The following PCDH15 variants were observed in gnomAD, a reference collection of about 807,000 sequenced individuals.
PCDH15 encodes the protein protocadherin-15.
In PCDH15, 129 loss-of-function variants were observed where a neutral mutation model predicts 178.5. The ratio of observed to expected loss-of-function variants is 0.72; its 90% CI spans 0.63 to 0.84. The LOEUF (loss-of-function observed/expected upper bound fraction) is 0.84. Ranked by LOEUF, PCDH15 falls within the 40% of genes least tolerant of loss-of-function variation. The pLI is 0.00. For synonymous variants in PCDH15, 800 were observed against 732.0 expected, an observed-to-expected ratio of 1.09 and a Z score of -1.50; for missense variants, 2,230 against 2,099.9, an observed-to-expected ratio of 1.06 and a Z score of -1.21.
At chr10:54,954,493 A>T (rs1291761725) in intron 2 of PCDH15, among the ~76,000 whole-genome samples, 1 of 151,298 alleles carries the variant, frequency 6.6e-6, no homozygotes, top group East Asian at 1.9e-4. Context: ...TATGAAATTT[A>T]GCAATTTTGC....
At chr10:54,231,038 A>G (rs1259031859) in intron 9 of PCDH15, among the ~76,000 whole-genome samples, 1 of 152,194 alleles carries the variant, frequency 6.6e-6, no homozygotes, top group Non-Finnish European at 1.5e-5. Flanking sequence ...CAGACTTGAT[A>G]ACACAATTAG....
chr10:54,840,370 C>G (rs1450531747), intron 3 of PCDH15, among the ~76,000 whole-genome samples: 1 of 151,696 alleles, frequency 6.6e-6, no homozygotes, highest in Non-Finnish European at 1.5e-5. Flanking sequence ...TTGCTATCAG[C>G]TTAGAATACA....
At chr10:55,602,299 C>G (rs1043693140) in intron 2 of PCDH15, among the ~76,000 whole-genome samples, 2 of 152,030 alleles carry the variant, frequency 1.3e-5, no homozygotes, top group Non-Finnish European at 2.9e-5. Flanking sequence ...AAGGCGGCAG[C>G]GAGGCTGGGG....
At chr10:55,036,066 T>A (rs1465986991) in intron 2 of PCDH15, among the ~76,000 whole-genome samples, 1 of 151,882 alleles carries the variant, frequency 6.6e-6, no homozygotes, top group East Asian at 1.9e-4. Flanking sequence ...TAATGGGAGG[T>A]CTTTAGGTCA....
intron 3 of PCDH15, among the ~76,000 whole-genome samples, chr10:54,862,226 T>C (rs1254547016): frequency 6.6e-6 from 1 of 152,188 alleles, no homozygotes; most frequent in Admixed American, 6.6e-5. Flanking sequence ...TGCAATCTCT[T>C]TACCATAAAT....
At chr10:54,012,791 A>G (rs1565008601) in intron 20 of PCDH15, among the ~76,000 whole-genome samples, 1 of 152,152 alleles carries the variant, frequency 6.6e-6, no homozygotes, top group Non-Finnish European at 1.5e-5. Context: ...AGCTCCTGAA[A>G]GGAGTGCTAC....
chr10:55,145,788 C>T (rs1169219020), intron 2 of PCDH15, among the ~76,000 whole-genome samples: 1 of 151,934 alleles, frequency 6.6e-6, no homozygotes, highest in Non-Finnish European at 1.5e-5. Flanking sequence ...TACTGAATAA[C>T]ATTTATCACT....
At chr10:54,519,985 G>T (rs2082672671) in intron 3 of PCDH15, among the ~76,000 whole-genome samples, 1 of 152,144 alleles carries the variant, frequency 6.6e-6, no homozygotes, top group Non-Finnish European at 1.5e-5. Context: ...TTTAATAAAT[G>T]GTGCTGGTAC....
chr10:55,230,663 G>A (rs1032613011), intron 1 of PCDH15, among the ~76,000 whole-genome samples: 1 of 152,004 alleles, frequency 6.6e-6, no homozygotes, highest in African/African-American at 2.4e-5. Flanking sequence ...CTTCTGTCTA[G>A]GAGAATGGAA....
intron 26 of PCDH15, among the ~76,000 whole-genome samples, chr10:53,889,146 A>AT (rs2081382974): frequency 6.6e-6 from 1 of 152,062 alleles, no homozygotes. Context: ...TAAAAAAGTC[A>AT]TGTTTTTGTG....
intron 2 of PCDH15, among the ~76,000 whole-genome samples, chr10:55,040,629 C>T (rs1034477096): frequency 6.6e-6 from 1 of 152,118 alleles, no homozygotes; most frequent in South Asian, 2.1e-4. Flanking sequence ...TATTCGAAAA[C>T]TGTGATTTAA....
At chr10:54,019,325 G>T (rs2092838725) in intron 20 of PCDH15, among the ~76,000 whole-genome samples, 1 of 152,022 alleles carries the variant, frequency 6.6e-6, no homozygotes, top group Admixed American at 6.6e-5. Flanking sequence ...GTAACTTGAG[G>T]ATTTTTGTAT....
At chr10:54,379,853 GC>G (rs1283875334) in intron 3 of PCDH15, among the ~76,000 whole-genome samples, 2 of 151,802 alleles carry the variant, frequency 1.3e-5, no homozygotes, top group Non-Finnish European at 2.9e-5. Context: ...GTAAAATGTA[GC>G]CTCCAAAAAA....
chr10:54,670,032 C>T (rs561288509), intron 1 of PCDH15, among the ~76,000 whole-genome samples: 8 of 152,040 alleles, frequency 5.3e-5, no homozygotes, highest in South Asian at 2.1e-4. Context: ...TCAGCCTGAG[C>T]GACAGAGCAA....
intron 13 of PCDH15, among the ~76,000 whole-genome samples, chr10:54,162,870 T>C (rs911063420): frequency 5.9e-5 from 9 of 152,202 alleles, no homozygotes; most frequent in African/African-American, 9.6e-5. Flanking sequence ...TAGATATGTA[T>C]AAAAATGACA....
At chr10:55,488,586 TTAAG>T (rs1207860499) in intron 2 of PCDH15, among the ~76,000 whole-genome samples, 13 of 151,690 alleles carry the variant, frequency 8.6e-5, no homozygotes, top group Admixed American at 2.6e-4. Flanking sequence ...TTATTATTAA[TTAAG>T]TATTAAATTA....
At chr10:54,758,112 A>T (rs1226351746) in intron 1 of PCDH15, among the ~76,000 whole-genome samples, 1 of 152,208 alleles carries the variant, frequency 6.6e-6, no homozygotes. Context: ...AAATATTTTA[A>T]CATGCAAATT....
chr10:54,793,907 A>T (rs1435267589), intron 1 of PCDH15, among the ~76,000 whole-genome samples: 1 of 148,834 alleles, frequency 6.7e-6, no homozygotes, highest in East Asian at 2.0e-4. Flanking sequence ...AATAAGAAAC[A>T]TCACAAAAAA....
chr10:55,012,966 A>G (rs1302260141), intron 2 of PCDH15, among the ~76,000 whole-genome samples: 1 of 152,150 alleles, frequency 6.6e-6, no homozygotes, highest in Admixed American at 6.6e-5. Context: ...CTTCAAGCTC[A>G]ATATATGCTA....
Sources: gnomAD v4.1 joint callset for allele counts (sites outside exome capture counted in the v4.1 genomes callset) on GRCh38, gnomAD v4.1.1 for gene constraint, MANE v1.5 for transcripts, NCBI Gene and HGNC (gene_info 2026-07-23, HGNC 2026-07-21) for gene names.